Variants in DAB1 observed in about 807,000 individuals in gnomAD.
DAB1 encodes the protein disabled homolog 1.
Under a neutral mutation model 64.6 loss-of-function variants are expected in DAB1, and 15 were observed. That is an observed-to-expected ratio of 0.23 (90% CI 0.16 to 0.36). DAB1 has a LOEUF of 0.36. Ranked by LOEUF, DAB1 falls within the 10% of genes least tolerant of loss-of-function variation. DAB1 has a pLI of 1.00. For missense variants in DAB1, 596 were observed against 706.7 expected, an observed-to-expected ratio of 0.84 and a Z score of 1.78; for synonymous variants, 235 against 251.9, an observed-to-expected ratio of 0.93 and a Z score of 0.64.
chr1:57,840,538 CT>C (rs1653003529), intron 1 of DAB1, among the ~76,000 whole-genome samples: 1 of 151,984 alleles, frequency 6.6e-6, no homozygotes, highest in Non-Finnish European at 1.5e-5. Context: ...CTACTTGAGA[CT>C]GGGTAATTTA....
chr1:58,539,484 A>C (rs1173799529), intron 1 of DAB1, among the ~76,000 whole-genome samples: 4 of 152,210 alleles, frequency 2.6e-5, no homozygotes, highest in African/African-American at 7.2e-5. Flanking sequence ...GATAAACCAG[A>C]GTATATATAC....
At chr1:57,393,440 C>T (rs770722256) in intron 1 of DAB1, among the ~76,000 whole-genome samples, 2 of 152,028 alleles carry the variant, frequency 1.3e-5, no homozygotes, top group Admixed American at 1.3e-4. Context: ...TGCCTGTAAT[C>T]GTAGCACTTT....
intron 4 of DAB1, among the ~76,000 whole-genome samples, chr1:58,307,327 T>A (rs771446838): frequency 8.5e-5 from 13 of 152,196 alleles, no homozygotes; most frequent in Non-Finnish European, 1.8e-4. Context: ...TGAGTGAAAC[T>A]TGGCCCCTGC....
intron 2 of DAB1, among the ~76,000 whole-genome samples, chr1:57,160,106 T>G (rs1259339196): frequency 6.6e-6 from 1 of 152,232 alleles, no homozygotes; most frequent in African/African-American, 2.4e-5. Flanking sequence ...TTCTCATCAG[T>G]GGGCTTGTGT....
At chr1:57,561,839 T>C (rs969362986) in intron 7 of DAB1, among the ~76,000 whole-genome samples, 1 of 152,198 alleles carries the variant, frequency 6.6e-6, no homozygotes, top group African/African-American at 2.4e-5. Flanking sequence ...ATGGCACCAT[T>C]CCTTGCAGTG....
intron 5 of DAB1, among the ~76,000 whole-genome samples, chr1:57,893,361 T>C (rs1477816258): frequency 6.6e-6 from 1 of 152,090 alleles, no homozygotes; most frequent in Non-Finnish European, 1.5e-5. Context: ...AGTTAGCAAA[T>C]GACATTTAGA....
intron 4 of DAB1, among the ~76,000 whole-genome samples, chr1:58,320,205 A>C (rs1299137707): frequency 4.6e-5 from 7 of 152,234 alleles, no homozygotes; most frequent in Non-Finnish European, 1.0e-4. Context: ...CTCAGAATGC[A>C]GGAAGACACA....
At chr1:58,219,025 C>CTCTCTCTCTCTCTG (rs376130413) in intron 4 of DAB1, among the ~76,000 whole-genome samples, 2,033 of 129,406 alleles carry the variant, frequency 0.016, 40 homozygotes, top group East Asian at 0.049. Flanking sequence ...CTCTCTCTCT[C>CTCTCTCTCTCTCTG]TGTGTGTGTG....
chr1:57,631,288 A>T (rs1387013808), intron 7 of DAB1, among the ~76,000 whole-genome samples: 1 of 152,234 alleles, frequency 6.6e-6, no homozygotes, highest in Non-Finnish European at 1.5e-5. Flanking sequence ...GTTAGCTCTT[A>T]AGTGTCTCTT....
chr1:57,127,422 G>A (rs1657221593), intron 4 of DAB1, among the ~76,000 whole-genome samples: 1 of 152,146 alleles, frequency 6.6e-6, no homozygotes, highest in Non-Finnish European at 1.5e-5. Flanking sequence ...CCTTTCATGA[G>A]GACAAAGGAA....
intron 6 of DAB1, among the ~76,000 whole-genome samples, chr1:57,784,838 T>C (rs541521259): frequency 1.3e-5 from 2 of 152,320 alleles, no homozygotes; most frequent in South Asian, 4.2e-4. Context: ...GCTAAGATCA[T>C]TGATGAAAGT....
intron 5 of DAB1, among the ~76,000 whole-genome samples, chr1:57,934,063 T>TTGTGTG (rs55848780): frequency 0.041 from 5,246 of 127,992 alleles, 190 homozygotes; most frequent in Admixed American, 0.087. Context: ...GCCCAGCTAA[T>TTGTGTG]TGTGTGTGTG....
chr1:57,344,684 G>T (rs12086276), intron 1 of DAB1, among the ~76,000 whole-genome samples: 6,371 of 151,986 alleles, frequency 0.042, 447 homozygotes, highest in African/African-American at 0.15. Context: ...ATCTGTGCTC[G>T]TGTGTAATTC....
intron 1 of DAB1, among the ~76,000 whole-genome samples, chr1:58,545,215 A>G (rs1336728824): frequency 2.0e-5 from 3 of 152,186 alleles, no homozygotes; most frequent in Non-Finnish European, 4.4e-5. Flanking sequence ...ACATCTATTC[A>G]CACTGCTTAG....
intron 5 of DAB1, among the ~76,000 whole-genome samples, chr1:58,026,964 TAGA>T (rs1286054334): frequency 6.6e-6 from 1 of 152,198 alleles, no homozygotes; most frequent in Admixed American, 6.5e-5. Context: ...GACTCTGTGG[TAGA>T]AGGACAAATG....
At chr1:57,494,182 AGAGACTT>A (rs1344271427) in intron 7 of DAB1, among the ~76,000 whole-genome samples, 5 of 152,162 alleles carry the variant, frequency 3.3e-5, no homozygotes, top group African/African-American at 1.2e-4. Context: ...AAAGGAGACT[AGAGACTT>A]AAGGAGAGTT....
At chr1:57,503,360 A>T (rs948088649) in intron 7 of DAB1, among the ~76,000 whole-genome samples, 1 of 152,216 alleles carries the variant, frequency 6.6e-6, no homozygotes, top group Non-Finnish European at 1.5e-5. Context: ...CAGTTAACAC[A>T]CATGACTTTC....
chr1:57,099,944 G>A (rs1232484273), intron 4 of DAB1, among the ~76,000 whole-genome samples: 1 of 152,200 alleles, frequency 6.6e-6, no homozygotes, highest in Admixed American at 6.5e-5. Flanking sequence ...GCGTTGGCTA[G>A]TATATACAGG....
intron 6 of DAB1, among the ~76,000 whole-genome samples, chr1:57,703,557 G>A (rs1200230966): frequency 6.6e-6 from 1 of 152,134 alleles, no homozygotes; most frequent in Non-Finnish European, 1.5e-5. Context: ...GAAAGTTGTG[G>A]AGAAAAAGGA....
Sources: gnomAD v4.1 joint callset for allele counts (sites outside exome capture counted in the v4.1 genomes callset) on GRCh38, gnomAD v4.1.1 for gene constraint, MANE v1.5 for transcripts, NCBI Gene and HGNC (gene_info 2026-07-23, HGNC 2026-07-21) for gene names.